Variants in LAPTM4B observed in about 807,000 individuals in gnomAD.
The protein encoded by LAPTM4B is lysosomal protein transmembrane 4 beta.
A neutral mutation model predicts 28.5 loss-of-function variants in LAPTM4B; 26 were observed. That is an observed-to-expected ratio of 0.91 (90% CI 0.67 to 1.27). LAPTM4B has a LOEUF of 1.27. Ranked by LOEUF, LAPTM4B falls within the 50% of genes most tolerant of loss-of-function variation. The probability of loss-of-function intolerance (pLI) is 0.00; values close to 1 mark genes in which losing one functional copy is unlikely to be tolerated. For synonymous variants in LAPTM4B, 109 were observed against 106.4 expected (o/e 1.02, Z -0.15); for missense variants, 288 against 285.8 (o/e 1.01, Z -0.06).
intron 1 of LAPTM4B, among the ~76,000 whole-genome samples, chr8:97,804,627 T>G (rs1416267916): frequency 6.6e-6 from 1 of 152,234 alleles, no homozygotes; most frequent in South Asian, 2.1e-4. Context: ...CATAAAGCAC[T>G]TAGCATAGTG....
intron 6 of LAPTM4B, among the ~76,000 whole-genome samples, chr8:97,842,445 G>T (rs1657916590): frequency 6.6e-6 from 1 of 152,168 alleles, no homozygotes; most frequent in Non-Finnish European, 1.5e-5. Context: ...GGCTTGGATA[G>T]ATCTGAATTG....
chr8:97,838,545 A>G (rs1365629904), intron 6 of LAPTM4B, among the ~76,000 whole-genome samples: 2 of 152,316 alleles, frequency 1.3e-5, no homozygotes, highest in Non-Finnish European at 2.9e-5. Flanking sequence ...CAAGAGGGTA[A>G]CTTCCCGAGG....
At chr8:97,789,781 A>G (rs1816470196) in intron 1 of LAPTM4B, among the ~76,000 whole-genome samples, 1 of 151,932 alleles carries the variant, frequency 6.6e-6, no homozygotes, top group African/African-American at 2.4e-5. Flanking sequence ...TCGGCCTCCC[A>G]AAGTGCTGGG....
chr8:97,815,371 A>T lies in LAPTM4B; in HGVS notation c.255A>T (p.Ile85=). 1.2e-6 allele frequency: 2 copies of T among 1,614,000 alleles called. No individual in the cohort carries two copies. The highest frequency in any genetic ancestry group is 8.5e-7 in the Non-Finnish European group (1 of 1,179,880). ...AIAISLLMIL[I]CAMATYGAYK... is the part of the protein sequence containing the mutation. Reference sequence around the variant, plus strand: ...CGATTTCTCTTCTCATGATCCTGATATGTGCTATGGCTACTTACGGAGCGT... The same window carrying T: ...CGATTTCTCTTCTCATGATCCTGATTTGTGCTATGGCTACTTACGGAGCGT... The change falls in exon 3 of 7, where the codon ATA becomes ATT. Residue 85 remains isoleucine, a synonymous_variant. Transcript: ENST00000521545.
chr8:97,812,098 G>A (rs1586331460), intron 2 of LAPTM4B, among the ~76,000 whole-genome samples: 3 of 151,910 alleles, frequency 2.0e-5, no homozygotes, highest in East Asian at 1.9e-4. Context: ...GAGCCACCGC[G>A]CCCGGCCTGG....
At chr8:97,842,516 G>T (rs889365163) in intron 6 of LAPTM4B, among the ~76,000 whole-genome samples, 2 of 151,972 alleles carry the variant, frequency 1.3e-5, no homozygotes, top group African/African-American at 4.8e-5. Context: ...TTTTTTTGTT[G>T]TTGTTTTTGT....
chr8:97,838,330 C>T (rs561621464), intron 6 of LAPTM4B, among the ~76,000 whole-genome samples: 1 of 152,344 alleles, frequency 6.6e-6, no homozygotes, highest in East Asian at 1.9e-4. Context: ...GGTTGAGTGA[C>T]TGCATTGATG....
intron 4 of LAPTM4B, among the ~76,000 whole-genome samples, chr8:97,816,853 T>A (rs2129794060): frequency 6.6e-6 from 1 of 152,138 alleles, no homozygotes; most frequent in South Asian, 2.1e-4. Context: ...GGCAGGAGAA[T>A]TGCTTGAACC....
chr8:97,802,653 G>A (rs538936221), intron 1 of LAPTM4B, among the ~76,000 whole-genome samples: 4 of 152,166 alleles, frequency 2.6e-5, no homozygotes, highest in African/African-American at 7.2e-5. Context: ...CAGCCCAGTG[G>A]GTCTTAGCCA....
At chr8:97,849,506 G>C (rs1367296601) in intron 6 of LAPTM4B, among the ~76,000 whole-genome samples, 1 of 152,170 alleles carries the variant, frequency 6.6e-6, no homozygotes, top group Admixed American at 6.5e-5. Flanking sequence ...CGTGGGCAAC[G>C]CTGAACATTT....
At chr8:97,833,424 T>A (rs1210375939) in intron 6 of LAPTM4B, among the ~76,000 whole-genome samples, 1 of 152,198 alleles carries the variant, frequency 6.6e-6, no homozygotes, top group Non-Finnish European at 1.5e-5. Context: ...GAGTTATTAT[T>A]TTACCTAAAA....
chr8:97,777,033 G>C (rs1816230439), intron 1 of LAPTM4B, among the ~76,000 whole-genome samples: 1 of 151,372 alleles, frequency 6.6e-6, no homozygotes, highest in Non-Finnish European at 1.5e-5. Context: ...GTGACATCAT[G>C]ATGGAGAGTT....
intron 6 of LAPTM4B, among the ~76,000 whole-genome samples, chr8:97,832,367 T>C (rs1415512693): frequency 2.6e-5 from 4 of 152,206 alleles, no homozygotes; most frequent in Non-Finnish European, 5.9e-5. Context: ...GAATGCCAGC[T>C]GCGTTTGTTT....
At chr8:97,808,018 G>A (rs1041922522) in intron 2 of LAPTM4B, among the ~76,000 whole-genome samples, 1 of 151,748 alleles carries the variant, frequency 6.6e-6, no homozygotes, top group East Asian at 2.0e-4. Flanking sequence ...ATGGGGTTTC[G>A]CCATGTTGCG....
At chr8:97,776,979 GACTGCACCAGC>G (rs1816229894) in intron 1 of LAPTM4B, among the ~76,000 whole-genome samples, 1 of 152,028 alleles carries the variant, frequency 6.6e-6, no homozygotes. Context: ...GGCACCCCTA[GACTGCACCAGC>G]ACTGAGTCGG....
chr8:97,813,472 ACT>A (rs1182157597), intron 2 of LAPTM4B, among the ~76,000 whole-genome samples: 3 of 151,900 alleles, frequency 2.0e-5, no homozygotes, highest in African/African-American at 7.3e-5. Flanking sequence ...CTCCCAGTCC[ACT>A]GACTGAAATG....
chr8:97,809,949 C>T lies in LAPTM4B; in HGVS notation c.211+4485C>T, dbSNP rs187803755. ...TGAGTTTAAAAATTTATTTTTGAGGCTGGGTCCCACTCTGTCACCAGGCTG... is the reference window on the plus strand; with the variant it reads ...TGAGTTTAAAAATTTATTTTTGAGGTTGGGTCCCACTCTGTCACCAGGCTG... On this transcript the variant is annotated intron_variant, in intron 2 of 6. Coordinates refer to ENST00000521545, the MANE Select transcript of LAPTM4B (RefSeq NM_018407.6). Among the ~76,000 whole-genome samples, 18 of 152,118 alleles carry T rather than the reference C, an allele frequency of 1.2e-4. No homozygotes were observed. In the East Asian group the frequency reaches 3.5e-3, roughly 29 times the overall value.
intron 1 of LAPTM4B, among the ~76,000 whole-genome samples, chr8:97,787,475 A>G (rs550572308): frequency 1.2e-3 from 181 of 152,026 alleles, no homozygotes; most frequent in African/African-American, 4.0e-3. Flanking sequence ...TAGTAGAGAC[A>G]GGGTTTCACC....
intron 6 of LAPTM4B, among the ~76,000 whole-genome samples, chr8:97,844,225 T>C (rs903761843): frequency 6.6e-6 from 1 of 152,120 alleles, no homozygotes; most frequent in African/African-American, 2.4e-5. Flanking sequence ...CCCAAGTAGC[T>C]GGGATTACAT....
Sources: gnomAD v4.1 joint callset for allele counts (sites outside exome capture counted in the v4.1 genomes callset) on GRCh38, gnomAD v4.1.1 for gene constraint, MANE v1.5 for transcripts, NCBI Gene and HGNC (gene_info 2026-07-23, HGNC 2026-07-21) for gene names.